The following RIC1 variants were observed in gnomAD, a reference collection of about 807,000 sequenced individuals.
RIC1 encodes guanine nucleotide exchange factor subunit RIC1.
A neutral mutation model predicts 169.0 loss-of-function variants in RIC1; 88 were observed. The observed-to-expected ratio is 0.52, with a 90% CI of 0.44 to 0.62. The LOEUF is 0.62. Ranked by LOEUF, RIC1 falls within the 20% of genes least tolerant of loss-of-function variation. The pLI is 0.00. For missense variants in RIC1, 1,877 were observed against 1,725.5 expected, an observed-to-expected ratio of 1.09 and a Z score of -1.56; for synonymous variants, 790 against 601.5, an observed-to-expected ratio of 1.31 and a Z score of -4.59.
At chr9:5,693,212 T>A (rs1039429031) in intron 3 of RIC1, among the ~76,000 whole-genome samples, 1 of 152,140 alleles carries the variant, frequency 6.6e-6, no homozygotes, top group African/African-American at 2.4e-5. Context: ...ATAGAAATAC[T>A]ATTGTCTCTC....
At chr9:5,630,807 T>A (rs1175949844) in intron 1 of RIC1, among the ~76,000 whole-genome samples, 1 of 152,226 alleles carries the variant, frequency 6.6e-6, no homozygotes, top group Non-Finnish European at 1.5e-5. Context: ...AAGTATCATC[T>A]GGTTCCTAAA....
intron 2 of RIC1, among the ~76,000 whole-genome samples, chr9:5,686,237 G>C (rs1227371028): frequency 6.6e-6 from 1 of 151,596 alleles, no homozygotes; most frequent in Non-Finnish European, 1.5e-5. Context: ...CAGGGATCTA[G>C]AACTAGAAAT....
chr9:5,629,133 G>T lies in RIC1; in HGVS notation c.-177G>T, dbSNP rs4471106. 4 of 441,792 alleles carry T rather than the reference G, an allele frequency of 9.1e-6. No individual in the cohort carries two copies. Among genetic ancestry groups the T allele is most frequent in the South Asian group, 9.1e-5 (1 of 10,934 alleles). The allele number at this position is 441,792 out of a possible 1,614,324, so 27.4% of individuals were successfully genotyped here. The stretch of plus-strand genomic sequence containing the variant: ...CACTCGGCCCCGTCAGCTTGGGGGT[G>T]CCTTCGTCGCGCAGCCTTGCGTCGG... On this transcript the variant is annotated 5_prime_UTR_variant, in exon 1 of 26. Coordinates refer to ENST00000414202, the MANE Select transcript of RIC1 (RefSeq NM_020829.4).
chr9:5,692,283 C>T (rs1199611646), intron 3 of RIC1, among the ~76,000 whole-genome samples: 1 of 151,994 alleles, frequency 6.6e-6, no homozygotes, highest in African/African-American at 2.4e-5. Context: ...TTTAATACCA[C>T]CAAAAACTTT....
intron 3 of RIC1, among the ~76,000 whole-genome samples, chr9:5,708,010 T>G (rs72693715): frequency 0.022 from 3,314 of 152,222 alleles, 46 homozygotes; most frequent in African/African-American, 0.025. Flanking sequence ...GTTGTTGGTT[T>G]GATTTTTTTG....
intron 6 of RIC1, among the ~76,000 whole-genome samples, chr9:5,721,607 A>G (rs1823594197): frequency 6.6e-6 from 1 of 152,216 alleles, no homozygotes; most frequent in South Asian, 2.1e-4. Flanking sequence ...CACCAGTTTC[A>G]TCTGGGACAA....
chr9:5,714,050 A>G (rs575204728), intron 4 of RIC1, 47 bp downstream of exon 4: 8 of 1,224,032 alleles, frequency 6.5e-6, no homozygotes, highest in Admixed American at 1.8e-5. Flanking sequence ...ACAGTAGACA[A>G]TGTAGTTCGT....
chr9:5,765,576 A>G lies in RIC1; in HGVS notation c.3000+4A>G, dbSNP rs1175088546. The G allele has an allele frequency of 2.4e-5, 38 of 1,613,978 alleles. No homozygotes were observed. The highest frequency in any genetic ancestry group is 3.1e-5 in the Non-Finnish European group (37 of 1,179,888). ...TCCATCCACACCCACAGCTCAGGTT[A>G]GTTGCAAAAGTTACACATCTTCTCT... On this transcript the variant is annotated splice_donor_region_variant and intron_variant, in intron 20 of 25. Coordinates refer to ENST00000414202, the MANE Select transcript of RIC1 (RefSeq NM_020829.4).
chr9:5,711,969 C>G (rs965691837), intron 3 of RIC1, among the ~76,000 whole-genome samples: 1 of 152,154 alleles, frequency 6.6e-6, no homozygotes, highest in African/African-American at 2.4e-5. Context: ...TTAATCCAGT[C>G]TATCATTGTT....
In RIC1 at chr9:5,763,470, T is replaced by C. The variant is rs1293136712; in HGVS notation, c.2443T>C (p.Phe815Leu). ...TGCTAGAGAACAGCTGGAGGTGCTC[T>C]TCCCTTTCTGTGTTGTGGAGAGAAC... ...NNAREQLEVL[F>L]PFCVVERTSQ... The change falls in exon 19 of 26, where the codon TTC becomes CTC. Residue 815 changes from phenylalanine (F) to leucine (L), a missense_variant. Phe to Leu is a conservative substitution (Grantham distance 22). Transcript: ENST00000414202. The surrounding 1 kb of genome is among the most constrained non-coding windows in gnomAD (Gnocchi z 5.2). 3 of 1,614,208 alleles carry C rather than the reference T, an allele frequency of 1.9e-6. No homozygotes were observed. The highest frequency in any genetic ancestry group is 1.7e-5 in the Admixed American group (1 of 60,030).
intron 17 of RIC1, 96 bp downstream of exon 17, chr9:5,757,547 A>G: frequency 7.6e-7 from 1 of 1,314,356 alleles, no homozygotes; most frequent in South Asian, 1.3e-5. Flanking sequence ...ATAAATACTA[A>G]GTGTCTAAAA....
rs1819370772 is a variant in RIC1 at position 5,660,231 on chromosome 9, A to G, written c.252+3541A>G. On this transcript the variant is annotated intron_variant, in intron 2 of 25. Coordinates refer to ENST00000414202, the MANE Select transcript of RIC1 (RefSeq NM_020829.4). ...TAGTATTCCATCGTGTATATGTACC[A>G]CATTTCTTTTATTCAGTCTATCATC... 2.6e-5 allele frequency among the ~76,000 whole-genome samples: 4 copies of G among 152,294 alleles called. No individual in the cohort carries two copies. The South Asian group carries it at 8.3e-4, about 32-fold the overall frequency.
chr9:5,730,953 GC>G (rs1414716912), intron 6 of RIC1, among the ~76,000 whole-genome samples: 1 of 152,026 alleles, frequency 6.6e-6, no homozygotes, highest in African/African-American at 2.4e-5. Flanking sequence ...TGGTCTTTGA[GC>G]ATGCCAGAAA....
chr9:5,654,635 G>T (rs1464084170), intron 1 of RIC1, among the ~76,000 whole-genome samples: 1 of 152,096 alleles, frequency 6.6e-6, no homozygotes, highest in African/African-American at 2.4e-5. Flanking sequence ...TACCTCCCAG[G>T]TTTAAGCAGT....
At chr9:5,754,222 G>C (rs1370571746) in intron 14 of RIC1, among the ~76,000 whole-genome samples, 1 of 152,082 alleles carries the variant, frequency 6.6e-6, no homozygotes, top group Non-Finnish European at 1.5e-5. Context: ...ACACAAACTA[G>C]GATTCAGTTA....
chr9:5,764,804 AT>A (rs1826588261), intron 19 of RIC1, among the ~76,000 whole-genome samples: 1 of 152,130 alleles, frequency 6.6e-6, no homozygotes, highest in Non-Finnish European at 1.5e-5. Context: ...TGACAATGTA[AT>A]TTTTTTCTGC....
At chr9:5,682,296 C>A (rs1257971048) in intron 2 of RIC1, among the ~76,000 whole-genome samples, 1 of 152,158 alleles carries the variant, frequency 6.6e-6, no homozygotes, top group Non-Finnish European at 1.5e-5. Context: ...GTGGCTGGTA[C>A]CAGTTTTTCC....
At chr9:5,661,239 C>T (rs1819431272) in intron 2 of RIC1, among the ~76,000 whole-genome samples, 1 of 152,050 alleles carries the variant, frequency 6.6e-6, no homozygotes, top group Admixed American at 6.6e-5. Context: ...TACTGTAGCC[C>T]TGTGTTACAG....
intron 2 of RIC1, among the ~76,000 whole-genome samples, chr9:5,659,441 C>T (rs1409906297): frequency 6.6e-6 from 1 of 152,146 alleles, no homozygotes; most frequent in Non-Finnish European, 1.5e-5. Context: ...CCCCAAACAT[C>T]CATCATAATG....
Sources: gnomAD v4.1 joint callset for allele counts (sites outside exome capture counted in the v4.1 genomes callset) on GRCh38, gnomAD v4.1.1 for gene constraint, Gnocchi (gnomAD v3.1) non-coding constraint, MANE v1.5 for transcripts, NCBI Gene and HGNC (gene_info 2026-07-23, HGNC 2026-07-21) for gene names.